Variants in NCAPD2 observed in about 807,000 individuals in gnomAD.
NCAPD2 encodes the protein non-SMC condensin I complex subunit D2, also known as condensin complex subunit 1.
Under a neutral mutation model 164.5 loss-of-function variants are expected in NCAPD2, and 100 were observed. The observed-to-expected ratio is 0.61, with a 90% CI of 0.52 to 0.72. The LOEUF (loss-of-function observed/expected upper bound fraction) is 0.72. Ranked by LOEUF, NCAPD2 falls within the 30% of genes least tolerant of loss-of-function variation. The pLI, the probability that NCAPD2 is intolerant of heterozygous loss-of-function variation, is 0.00. For missense variants in NCAPD2, 1,560 were observed against 1,749.2 expected (o/e 0.89, Z 1.93); for synonymous variants, 585 against 642.6 (o/e 0.91, Z 1.36).
In NCAPD2 at chr12:6,521,911, G is replaced by A; in HGVS notation, c.1828G>A (p.Gly610Arg). The A allele has an allele frequency of 6.2e-7, 1 of 1,614,088 alleles. No individual in the cohort carries two copies. The highest frequency in any genetic ancestry group is 8.5e-7 in the Non-Finnish European group (1 of 1,180,018). Reference sequence around the variant, plus strand: ...TATGTCGGATCCTGAGGAATCCAGGGGAAATGATGAACTAGTGAAGCAGGA... The same window carrying A: ...TATGTCGGATCCTGAGGAATCCAGGAGAAATGATGAACTAGTGAAGCAGGA... ...PNMSDPEESRGNDELVKQEML... is the reference protein window; with the variant it reads ...PNMSDPEESRRNDELVKQEML... Residue 610 changes from glycine to arginine, a missense_variant, in exon 15 of 32, where the codon GGA (glycine) becomes AGA (arginine). Physicochemically the swap from Gly to Arg is moderately radical, Grantham distance 125 (BLOSUM62 -2). Coordinates refer to ENST00000315579, the MANE Select transcript of NCAPD2 (RefSeq NM_014865.4).
chr12:6,525,502 G>A (rs943073052), intron 17 of NCAPD2, 81 bp from the exon 18 acceptor site: 51 of 1,500,274 alleles, frequency 3.4e-5, no homozygotes, highest in Non-Finnish European at 4.2e-5. Context: ...CTTCAGGTTC[G>A]CAATATCATC....
intron 2 of NCAPD2, among the ~76,000 whole-genome samples, chr12:6,505,344 G>T (rs1190678947): frequency 6.6e-6 from 1 of 152,214 alleles, no homozygotes; most frequent in Non-Finnish European, 1.5e-5. Context: ...GGATTTACAG[G>T]TGTGAGCCAG....
intron 18 of NCAPD2, 117 bp downstream of exon 18, chr12:6,525,833 A>T (rs1946312143): frequency 2.9e-6 from 4 of 1,400,550 alleles, no homozygotes; most frequent in Non-Finnish European, 3.9e-6. Flanking sequence ...GCTGTGAGTT[A>T]TAACGCCACC....
chr12:6,529,352 C>A, intron 27 of NCAPD2, 161 bp from the exon 28 acceptor site: 2 of 686,360 alleles, frequency 2.9e-6, no homozygotes, highest in Non-Finnish European at 2.5e-6. Flanking sequence ...TGGGGTCCCT[C>A]TCTGCTGAAT....
chr12:6,522,089 T>C, intron 15 of NCAPD2, 52 bp downstream of exon 15: 1 of 1,564,004 alleles, frequency 6.4e-7, no homozygotes, highest in Non-Finnish European at 8.6e-7. Flanking sequence ...TTTTGGATTT[T>C]TTAATTTTTT....
Position 6,523,259 on chromosome 12 carries a change from C to T in NCAPD2, c.2130-3C>T, listed in dbSNP as rs1309374717. 6.2e-7 allele frequency: 1 copy of T among 1,614,036 alleles called. No homozygotes were observed. ...TGACCGCTGATCTCTGCTGTTCCCACAGAGCCAAGGCCCAGGCTTTGATTC... is the reference window on the plus strand; with the variant it reads ...TGACCGCTGATCTCTGCTGTTCCCATAGAGCCAAGGCCCAGGCTTTGATTC... On this transcript the variant is annotated splice_polypyrimidine_tract_variant and splice_region_variant and intron_variant, in intron 16 of 31. Transcript: ENST00000315579.
At chr12:6,505,059 G>A (rs981382423) in intron 2 of NCAPD2, among the ~76,000 whole-genome samples, 4 of 152,054 alleles carry the variant, frequency 2.6e-5, no homozygotes, top group Non-Finnish European at 4.4e-5. Context: ...ATCACTTCTT[G>A]CTGCCATATG....
rs1472356523 is a variant in NCAPD2, at chr12:6,517,610, C to T, written c.1335C>T (p.Asp445=). ...TTACCTGATAGCTTAGTGATGCTGA[C>T]CTTGCCGGACCACTGCAGAAGGAGA... ...NPFSCKLSDA[D]LAGPLQKETQ... Residue 445 remains aspartate (D), a synonymous_variant, in exon 12 of 32, where the codon GAC becomes GAT. Transcript: ENST00000315579. 6.2e-7 allele frequency: 1 copy of T among 1,614,096 alleles called. No homozygotes were observed. Among genetic ancestry groups the T allele is most frequent in the Non-Finnish European group, 8.5e-7 (1 of 1,180,048 alleles).
rs1324051980 is a variant in NCAPD2, at chr12:6,530,080, G to A, written c.3837+122G>A. The A allele has an allele frequency of 3.6e-6, 4 of 1,102,996 alleles. No individual in the cohort carries two copies. The East Asian group carries it at 1.0e-4, about 29-fold the overall frequency. The allele number at this position is 1,102,996 out of a possible 1,614,324, so 68.3% of individuals were successfully genotyped here. A position where few individuals can be genotyped will look rare whatever the true frequency, so the allele number is the denominator to read the frequency against. On this transcript the variant is annotated intron_variant, in intron 29 of 31. Transcript: ENST00000315579. ...CGTCCTCCTTATCCCCAGCTGGGTT[G>A]CAACCAAATTGCCAGAGTGACCTAA...
rs370458466 is a variant in NCAPD2, at chr12:6,529,782, C to T, written c.3661C>T (p.Arg1221Trp). ...CQRFRTSRTE[R>W]QQRDLAYCVS... is the part of the protein sequence containing the mutation. ...AGCCCTTCCTATCTGCAGAACTGAG[C>T]GGCAGCAGCGAGACCTGGCCTACTG... The change falls in exon 29 of 32, where the codon CGG (arginine) becomes TGG (tryptophan). Residue 1221 changes from arginine (R) to tryptophan (W), a missense_variant. Arg to Trp is a moderately radical substitution (Grantham distance 101). Coordinates refer to ENST00000315579, the MANE Select transcript of NCAPD2 (RefSeq NM_014865.4). 6.8e-6 allele frequency: 11 copies of T among 1,612,010 alleles called. No individual in the cohort carries two copies. Among genetic ancestry groups the T allele is most frequent in the Admixed American group, 1.7e-5 (1 of 59,926 alleles).
At chr12:6,522,586 TAAGAA>T (rs1382976898) in intron 15 of NCAPD2, among the ~76,000 whole-genome samples, 2 of 151,568 alleles carry the variant, frequency 1.3e-5, no homozygotes, top group South Asian at 2.1e-4. Context: ...ACCTGTGTCT[TAAGAA>T]AAGAAAAAAA....
chr12:6,514,982 G>T, intron 9 of NCAPD2, 62 bp downstream of exon 9: 2 of 1,573,080 alleles, frequency 1.3e-6, no homozygotes, highest in South Asian at 2.2e-5. Flanking sequence ...GTGTTGAAAG[G>T]CTGTTTCTTA....
chr12:6,494,941 C>T, intron 1 of NCAPD2, 135 bp from the exon 2 acceptor site: 1 of 847,054 alleles, frequency 1.2e-6, no homozygotes, highest in East Asian at 2.6e-5. Context: ...GGGGAACTAA[C>T]AAAACCAGAT....
chr12:6,528,455 G>A lies in NCAPD2; in HGVS notation c.3299+127G>A. On this transcript the variant is annotated intron_variant, in intron 25 of 31. Transcript: ENST00000315579. The surrounding 1 kb of genome is among the most constrained non-coding windows in gnomAD (Gnocchi z 5.1). ...CACCGCGAACATCTGCTTGATACTTGACCTGTACAGGCCCCTGGCTAAGAG... is the reference window on the plus strand; with the variant it reads ...CACCGCGAACATCTGCTTGATACTTAACCTGTACAGGCCCCTGGCTAAGAG... 5 of 1,351,414 alleles carry A rather than the reference G, an allele frequency of 3.7e-6. No homozygotes were observed. Among genetic ancestry groups the A allele is most frequent in the Non-Finnish European group, 5.2e-6 (5 of 967,100 alleles). The allele number at this position is 1,351,414 out of a possible 1,614,324, so 83.7% of individuals were successfully genotyped here. A position where few individuals can be genotyped will look rare whatever the true frequency, so the allele number is the denominator to read the frequency against.
chr12:6,529,759 C>T lies in NCAPD2; in HGVS notation c.3654-16C>T. 1.9e-6 allele frequency: 3 copies of T among 1,606,646 alleles called. No homozygotes were observed. The highest frequency in any genetic ancestry group is 1.7e-6 in the Non-Finnish European group (2 of 1,174,920). Reference sequence around the variant, plus strand: ...CTGGATCTCCCAGTTCCTCACAAAGCCCTTCCTATCTGCAGAACTGAGCGG... The same window carrying T: ...CTGGATCTCCCAGTTCCTCACAAAGTCCTTCCTATCTGCAGAACTGAGCGG... On this transcript the variant is annotated splice_polypyrimidine_tract_variant and intron_variant, in intron 28 of 31. Coordinates refer to ENST00000315579, the MANE Select transcript of NCAPD2 (RefSeq NM_014865.4).
At chr12:6,500,988 G>A (rs1481447539) in intron 2 of NCAPD2, among the ~76,000 whole-genome samples, 1 of 151,908 alleles carries the variant, frequency 6.6e-6, no homozygotes, top group Non-Finnish European at 1.5e-5. Flanking sequence ...AGCTTTTACA[G>A]GAATGCTGAT....
Position 6,510,709 on chromosome 12 carries a change from A to T in NCAPD2, c.343A>T (p.Asn115Tyr), listed in dbSNP as rs1344007333. 1 of 1,614,170 alleles carries T rather than the reference A, an allele frequency of 6.2e-7. No individual in the cohort carries two copies. Among genetic ancestry groups the T allele is most frequent in the East Asian group, 2.2e-5 (1 of 44,880 alleles). ...TGGATCAGATAGAAACGCCCATCTA[A>T]ATGCCCTCAAAATGAACTGTTATGC... ...LSGSDRNAHL[N>Y]ALKMNCYALI... The change falls in exon 5 of 32, where the codon AAT (asparagine) becomes TAT (tyrosine). Residue 115 changes from asparagine to tyrosine, a missense_variant. Coordinates refer to ENST00000315579, the MANE Select transcript of NCAPD2 (RefSeq NM_014865.4).
intron 2 of NCAPD2, among the ~76,000 whole-genome samples, chr12:6,504,811 T>C (rs1250773580): frequency 3.3e-5 from 5 of 152,210 alleles, no homozygotes; most frequent in African/African-American, 1.2e-4. Flanking sequence ...GCTGTATTTA[T>C]CGACACCATA....
At chr12:6,509,596 G>A in intron 2 of NCAPD2, 121 bp from the exon 3 acceptor site, 1 of 937,522 alleles carries the variant, frequency 1.1e-6, no homozygotes, top group South Asian at 1.3e-5. Flanking sequence ...GAAGTGAACT[G>A]TTTGTCTCTT....
Sources: allele counts gnomAD v4.1 joint callset (sites outside exome capture counted in the v4.1 genomes callset), GRCh38; gene constraint gnomAD v4.1.1; non-coding constraint Gnocchi (gnomAD v3.1); transcripts MANE v1.5; gene names NCBI Gene and HGNC (gene_info 2026-07-23, HGNC 2026-07-21).